HBS1L: variants seen among roughly 807,000 people sequenced by gnomAD.
HBS1L encodes the protein HBS1 like translational GTPase.
In HBS1L, 55 loss-of-function variants were observed where a neutral mutation model predicts 88.9. That is an observed-to-expected ratio of 0.62 (90% CI 0.50 to 0.77). The LOEUF (loss-of-function observed/expected upper bound fraction) is 0.77. Ranked by LOEUF, HBS1L falls within the 30% of genes least tolerant of loss-of-function variation. The pLI is 0.00. For missense variants in HBS1L, 741 were observed against 829.3 expected, an observed-to-expected ratio of 0.89 and a Z score of 1.31; for synonymous variants, 267 against 288.5, an observed-to-expected ratio of 0.93 and a Z score of 0.76.
chr6:135,031,718 A>G (rs979561159), intron 4 of HBS1L, among the ~76,000 whole-genome samples: 2 of 152,068 alleles, frequency 1.3e-5, no homozygotes, highest in Non-Finnish European at 2.9e-5. Context: ...CGTAAGAATC[A>G]TATCTTTGTT....
intron 15 of HBS1L, among the ~76,000 whole-genome samples, chr6:134,970,819 T>C (rs373417254): frequency 4.6e-5 from 7 of 152,182 alleles, no homozygotes; most frequent in Admixed American, 6.5e-5. Flanking sequence ...AGAACAAAGT[T>C]AGACTGACTA....
Position 134,987,761 on chromosome 6 carries a change from T to C in HBS1L, c.1114A>G (p.Ser372Gly). 1 of 1,601,900 alleles carries C rather than the reference T, an allele frequency of 6.2e-7. No individual in the cohort carries two copies. The highest frequency in any genetic ancestry group is 1.3e-5 in the African/African-American group (1 of 74,344). The change falls in exon 9 of 18, where the codon AGC becomes GGC. Residue 372 changes from serine (S) to glycine (G), a missense_variant. This residue lies in a region of HBS1L where 556 missense variants were observed against 598.4 expected (regional missense o/e 0.93). Coordinates refer to ENST00000367837, the MANE Select transcript of HBS1L (RefSeq NM_006620.4). ...AATCCAGCTTCAAACTCTCCCCTGCTGGCATCTACAACTAAAACAGCTACA... is the reference window on the plus strand; with the variant it reads ...AATCCAGCTTCAAACTCTCCCCTGCCGGCATCTACAACTAAAACAGCTACA... Reference protein sequence around the residue: ...ADVAVLVVDASRGEFEAGFET... With the variant: ...ADVAVLVVDAGRGEFEAGFET...
intron 13 of HBS1L, among the ~76,000 whole-genome samples, chr6:134,980,120 G>C (rs552453151): frequency 1.3e-5 from 2 of 152,102 alleles, no homozygotes; most frequent in South Asian, 2.1e-4. Flanking sequence ...TTTTGACAAA[G>C]AGAATGTGTA....
At chr6:135,016,829 T>C (rs897008335) in intron 4 of HBS1L, among the ~76,000 whole-genome samples, 7 of 152,196 alleles carry the variant, frequency 4.6e-5, no homozygotes, top group Non-Finnish European at 7.4e-5. Flanking sequence ...TATTTATTTA[T>C]GAAGAAAAGG....
chr6:135,020,026 A>T (rs1157643884), intron 4 of HBS1L, among the ~76,000 whole-genome samples: 1 of 151,802 alleles, frequency 6.6e-6, no homozygotes, highest in African/African-American at 2.4e-5. Flanking sequence ...AAAAATCCCT[A>T]TATGTATGTG....
intron 17 of HBS1L, 67 bp from the exon 18 acceptor site, chr6:134,965,357 GGGAAAATTAT>G: frequency 9.2e-7 from 1 of 1,085,166 alleles, no homozygotes; most frequent in Non-Finnish European, 1.4e-6. Context: ...GAACAACAAA[GGGAAAATTAT>G]GGTGAAAGAA....
intron 4 of HBS1L, chr6:135,036,911 G>C: frequency 1.9e-6 from 3 of 1,551,506 alleles, no homozygotes; most frequent in Non-Finnish European, 2.6e-6. Context: ...ACTTTAGTTC[G>C]TGATGATGGA....
At chr6:135,044,403 T>C (rs1776845355) in intron 2 of HBS1L, among the ~76,000 whole-genome samples, 1 of 152,148 alleles carries the variant, frequency 6.6e-6, no homozygotes, top group South Asian at 2.1e-4. Flanking sequence ...TGTGTAGGGA[T>C]ACATATATCC....
chr6:135,016,507 T>C (rs747905987), intron 4 of HBS1L, among the ~76,000 whole-genome samples: 12 of 152,128 alleles, frequency 7.9e-5, no homozygotes, highest in Non-Finnish European at 1.6e-4. Context: ...GAATGCCGAT[T>C]TGGGGAGGTG....
rs58798278 is a variant in HBS1L, at chr6:135,036,575, C to CT, written c.430+2997dup. ...TTTTGTTACTATTCTCTAGTAAATG[C>CT]TTTTTTTTGATTAGCTTTTACAATG... On this transcript the variant is annotated intron_variant, in intron 4 of 17. Transcript: ENST00000367837. 5.2e-4 allele frequency: 777 copies of CT among 1,491,396 alleles called. 2 individuals are homozygous for CT. The African/African-American group carries it at 9.0e-3, about 17-fold the overall frequency. 92.4% of individuals were successfully genotyped at this position (1,491,396 alleles called of 1,614,324 possible).
rs1188719687 is a variant in HBS1L at position 134,966,334 on chromosome 6, T to C, written c.2038A>G (p.Thr680Ala). The part of the protein sequence containing the change: ...GGSTIAAGVV[T>A]EIKE Reference sequence around the variant, plus strand: ...GTCACTTTAAAATAAAATACCTCAGTGACAACACCAGCAGCTATTGTAGAA... The same window carrying C: ...GTCACTTTAAAATAAAATACCTCAGCGACAACACCAGCAGCTATTGTAGAA... The change falls in exon 17 of 18, where the codon ACT becomes GCT. Residue 680 changes from threonine to alanine, a missense_variant. Thr to Ala is a moderately conservative substitution (Grantham distance 58). Transcript: ENST00000367837. 1 of 1,608,782 alleles carries C rather than the reference T, an allele frequency of 6.2e-7. No homozygotes were observed. The highest frequency in any genetic ancestry group is 2.2e-5 in the East Asian group (1 of 44,764).
At chr6:135,014,499 G>T (rs1045670835) in intron 4 of HBS1L, among the ~76,000 whole-genome samples, 2 of 152,182 alleles carry the variant, frequency 1.3e-5, no homozygotes, top group Admixed American at 6.5e-5. Flanking sequence ...GAGAAATTAA[G>T]ATAAGTTTCT....
intron 8 of HBS1L, 61 bp downstream of exon 8, chr6:134,993,697 G>A: frequency 1.5e-6 from 1 of 655,668 alleles, no homozygotes; most frequent in Non-Finnish European, 2.5e-6. Context: ...TGTAACCTCA[G>A]CATCAGAAAA....
chr6:135,033,360 T>C (rs1007781582), intron 4 of HBS1L, among the ~76,000 whole-genome samples: 1 of 151,554 alleles, frequency 6.6e-6, no homozygotes, highest in Non-Finnish European at 1.5e-5. Context: ...TCACAAGGAG[T>C]GTATTCATGA....
At position 134,979,263 on chromosome 6, in the gene HBS1L, T is replaced by C; in HGVS notation, c.1603A>G (p.Thr535Ala). ...PNETCTVKGI[T>A]LHDEPVDWAA... is the part of the protein sequence containing the mutation. ...CAGTCGACAGGTTCATCATGCAGAG[T>C]GATTCCTGGAAATGAGTAAGAACCA... The change falls in exon 14 of 18, where the codon ACT (threonine) becomes GCT (alanine). Residue 535 changes from threonine (T) to alanine (A), a missense_variant. Physicochemically the swap from Thr to Ala is moderately conservative, Grantham distance 58. This residue lies in a region of HBS1L where 181 missense variants were observed against 212.7 expected (regional missense o/e 0.85). Transcript: ENST00000367837. 1 of 1,611,008 alleles carries C rather than the reference T, an allele frequency of 6.2e-7. No homozygotes were observed. The highest frequency in any genetic ancestry group is 8.5e-7 in the Non-Finnish European group (1 of 1,177,794).
intron 4 of HBS1L, among the ~76,000 whole-genome samples, chr6:135,027,429 T>G (rs1776267555): frequency 6.6e-6 from 1 of 151,888 alleles, no homozygotes; most frequent in Non-Finnish European, 1.5e-5. Context: ...ATTCTAAAAC[T>G]CTCTTGGACT....
At chr6:134,982,629 A>G in intron 12 of HBS1L, 67 bp from the exon 13 acceptor site, 5 of 821,276 alleles carry the variant, frequency 6.1e-6, no homozygotes, top group Non-Finnish European at 1.0e-5. Flanking sequence ...ACCGTTAACT[A>G]TACTTAGTTC....
intron 1 of HBS1L, among the ~76,000 whole-genome samples, chr6:135,051,653 C>G (rs766921838): frequency 2.0e-5 from 3 of 152,176 alleles, no homozygotes; most frequent in Non-Finnish European, 2.9e-5. Flanking sequence ...GAGCGCTACG[C>G]CTGTTCACTA....
chr6:135,038,831 A>G (rs1420439773), intron 4 of HBS1L, among the ~76,000 whole-genome samples: 1 of 152,184 alleles, frequency 6.6e-6, no homozygotes, highest in Non-Finnish European at 1.5e-5. Context: ...TTATTTTTAA[A>G]TAAAACAAAA....
Sources: gnomAD v4.1 joint callset for allele counts (sites outside exome capture counted in the v4.1 genomes callset) on GRCh38, gnomAD v4.1.1 for gene constraint, gnomAD v4.1.1 regional missense constraint, MANE v1.5 for transcripts, NCBI Gene and HGNC (gene_info 2026-07-23, HGNC 2026-07-21) for gene names.